The following HEMK2 variants were observed in gnomAD, a reference collection of about 807,000 sequenced individuals.
HEMK2 encodes HemK methyltransferase 2, ETF1 glutamine and histone H4 lysine.
chr21:28,620,653 C>CTCTTT, the HEMK2 span, among the ~76,000 whole-genome samples: 3 of 89,408 alleles, frequency 3.4e-5, no homozygotes, highest in South Asian at 3.6e-4. Context: ...TGATTCTTCT[C>CTCTTT]TCTTTTCTTT....
the HEMK2 span, among the ~76,000 whole-genome samples, chr21:28,721,941 C>G: frequency 4.7e-5 from 7 of 148,248 alleles, no homozygotes. Context: ...CACACACATA[C>G]ACCTATTTGA....
chr21:28,585,031 A>G, the HEMK2 span, among the ~76,000 whole-genome samples: 3 of 152,220 alleles, frequency 2.0e-5, no homozygotes, highest in Non-Finnish European at 4.4e-5. Flanking sequence ...CACAGGACTT[A>G]GAGGTGATTG....
the HEMK2 span, among the ~76,000 whole-genome samples, chr21:28,599,763 G>A: frequency 6.6e-6 from 1 of 152,224 alleles, no homozygotes; most frequent in African/African-American, 2.4e-5. Flanking sequence ...TTAAAAGCAA[G>A]TTAGTTACTT....
the HEMK2 span, among the ~76,000 whole-genome samples, chr21:28,699,377 G>C: frequency 1.3e-5 from 2 of 152,182 alleles, no homozygotes; most frequent in African/African-American, 2.4e-5. Context: ...TTGTAGCTAT[G>C]TCCACATTTA....
At chr21:28,716,443 T>C in the HEMK2 span, among the ~76,000 whole-genome samples, 15 of 152,310 alleles carry the variant, frequency 9.8e-5, no homozygotes, top group African/African-American at 2.2e-4. Flanking sequence ...TTGAACACTA[T>C]TGATGCATAG....
the HEMK2 span, among the ~76,000 whole-genome samples, chr21:28,707,083 T>C: frequency 2.6e-5 from 4 of 152,188 alleles, no homozygotes; most frequent in African/African-American, 9.6e-5. Context: ...TCAAAGTTCA[T>C]GTGGATTGTG....
At chr21:28,708,949 C>T in the HEMK2 span, among the ~76,000 whole-genome samples, 1 of 152,188 alleles carries the variant, frequency 6.6e-6, no homozygotes, top group African/African-American at 2.4e-5. Flanking sequence ...GGCTTATAAA[C>T]AACTTAGTTC....
the HEMK2 span, among the ~76,000 whole-genome samples, chr21:28,820,505 A>G: frequency 6.6e-6 from 1 of 152,254 alleles, no homozygotes; most frequent in East Asian, 1.9e-4. Flanking sequence ...AAGCCCACTG[A>G]TTTCCCCTAA....
At chr21:28,850,726 C>T in the HEMK2 span, among the ~76,000 whole-genome samples, 12 of 152,094 alleles carry the variant, frequency 7.9e-5, no homozygotes, top group Admixed American at 1.3e-4. Flanking sequence ...AGTACAGAAA[C>T]CATTGTGTTA....
At chr21:28,731,685 A>T in the HEMK2 span, among the ~76,000 whole-genome samples, 975 of 152,104 alleles carry the variant, frequency 6.4e-3, 8 homozygotes, top group African/African-American at 0.022. Context: ...GCCGCACACC[A>T]GCATGGCACA....
chr21:28,871,650 A>G, the HEMK2 span, among the ~76,000 whole-genome samples: 7 of 152,182 alleles, frequency 4.6e-5, no homozygotes, highest in African/African-American at 1.7e-4. Context: ...GTTTGTTGTA[A>G]AACAAACACA....
the HEMK2 span, among the ~76,000 whole-genome samples, chr21:28,683,100 A>G: frequency 6.6e-6 from 1 of 150,626 alleles, no homozygotes; most frequent in East Asian, 1.9e-4. Context: ...AATTCTTTAA[A>G]ATATTTCTAT....
the HEMK2 span, among the ~76,000 whole-genome samples, chr21:28,810,176 T>C: frequency 2.6e-4 from 40 of 152,288 alleles, no homozygotes; most frequent in East Asian, 7.3e-3. Flanking sequence ...GGTACAGTGC[T>C]AGATTAGGTC....
chr21:28,801,890 A>G, the HEMK2 span, among the ~76,000 whole-genome samples: 2 of 152,198 alleles, frequency 1.3e-5, no homozygotes, highest in Non-Finnish European at 2.9e-5. Flanking sequence ...GAAACTCACT[A>G]TGTGGTGAGC....
At chr21:28,714,081 A>C in the HEMK2 span, among the ~76,000 whole-genome samples, 1 of 152,178 alleles carries the variant, frequency 6.6e-6, no homozygotes, top group East Asian at 1.9e-4. Flanking sequence ...AGTTGTCTTC[A>C]TGTTAAGAGT....
At chr21:28,596,863 C>A in the HEMK2 span, among the ~76,000 whole-genome samples, 20 of 152,210 alleles carry the variant, frequency 1.3e-4, no homozygotes, top group African/African-American at 4.8e-4. Context: ...TGGGAAAATA[C>A]TCCTGGAAGT....
chr21:28,682,199 T>A, the HEMK2 span, among the ~76,000 whole-genome samples: 10 of 151,606 alleles, frequency 6.6e-5, no homozygotes, highest in African/African-American at 1.9e-4. Flanking sequence ...TCAAACAAAT[T>A]TACAAGAAAA....
chr21:28,828,959 G>C, the HEMK2 span, among the ~76,000 whole-genome samples: 1 of 152,150 alleles, frequency 6.6e-6, no homozygotes, highest in Non-Finnish European at 1.5e-5. Context: ...ATTTTAACAA[G>C]AGCTTTAACA....
At chr21:28,829,778 T>TAC in the HEMK2 span, among the ~76,000 whole-genome samples, 1 of 152,200 alleles carries the variant, frequency 6.6e-6, no homozygotes, top group Non-Finnish European at 1.5e-5. Context: ...TACAAGAACA[T>TAC]ACACTCTGTT....
Sources: gnomAD v4.1 joint callset for allele counts (sites outside exome capture counted in the v4.1 genomes callset) on GRCh38, gnomAD v4.1.1 for gene constraint, MANE v1.5 for transcripts, NCBI Gene and HGNC (gene_info 2026-07-23, HGNC 2026-07-21) for gene names.